FCHO2: variants seen among roughly 807,000 people sequenced by gnomAD.
FCHO2 encodes FCH and mu domain containing endocytic adaptor 2, also known as F-BAR domain only protein 2.
Under a neutral mutation model 114.1 loss-of-function variants are expected in FCHO2, and 43 were observed. The ratio of observed to expected loss-of-function variants is 0.38; its 90% CI spans 0.30 to 0.49. The LOEUF (loss-of-function observed/expected upper bound fraction) is 0.49, where lower values mean the gene tolerates loss of function less well. FCHO2 is among the 20% of genes least tolerant of loss of function. FCHO2 has a pLI of 0.97. For synonymous variants in FCHO2, 293 were observed against 315.2 expected (o/e 0.93, Z 0.75); for missense variants, 807 against 950.4 (o/e 0.85, Z 1.98).
At chr5:73,050,097 A>G (rs943731503) in intron 11 of FCHO2, among the ~76,000 whole-genome samples, 1 of 152,118 alleles carries the variant, frequency 6.6e-6, no homozygotes, top group African/African-American at 2.4e-5. Flanking sequence ...TACATCATAT[A>G]TATCTTTAAA....
intron 11 of FCHO2, among the ~76,000 whole-genome samples, chr5:73,046,392 CGTT>C (rs1300832841): frequency 1.3e-5 from 2 of 152,086 alleles, no homozygotes; most frequent in Admixed American, 6.6e-5. Context: ...CAGAATTTAT[CGTT>C]GTAGTCTACA....
chr5:73,073,353 T>C (rs1742751163), intron 19 of FCHO2, among the ~76,000 whole-genome samples: 2 of 152,106 alleles, frequency 1.3e-5, no homozygotes, highest in African/African-American at 4.8e-5. Context: ...AGGTCTTTCA[T>C]ACCCTAATCT....
intron 13 of FCHO2, among the ~76,000 whole-genome samples, chr5:73,053,931 T>G (rs1218899458): frequency 1.3e-5 from 2 of 152,188 alleles, no homozygotes; most frequent in African/African-American, 4.8e-5. Flanking sequence ...TTTCATACTA[T>G]GAAAATAATA....
At chr5:73,006,262 TG>T (rs1339268988) in intron 5 of FCHO2, among the ~76,000 whole-genome samples, 182 bp from the exon 6 acceptor site, 2 of 152,164 alleles carry the variant, frequency 1.3e-5, no homozygotes, top group Non-Finnish European at 2.9e-5. Context: ...CCTGACTTCT[TG>T]GCTGACTGTA....
chr5:73,004,664 T>TATAA (rs1224038828), intron 5 of FCHO2, among the ~76,000 whole-genome samples: 1 of 152,190 alleles, frequency 6.6e-6, no homozygotes, highest in Non-Finnish European at 1.5e-5. Flanking sequence ...GTTCCCTTTT[T>TATAA]AGTAATGAGA....
chr5:73,063,555 T>A (rs1316005135), intron 17 of FCHO2, among the ~76,000 whole-genome samples: 1 of 152,102 alleles, frequency 6.6e-6, no homozygotes, highest in African/African-American at 2.4e-5. Flanking sequence ...CATCAGCTAA[T>A]GTATCAGATT....
rs145375127 is a variant in FCHO2, at chr5:73,045,685, C to G, written c.939+4370C>G. 1.1e-3 allele frequency among the ~76,000 whole-genome samples: 164 copies of G among 152,204 alleles called. 2 individuals are homozygous for G. Among genetic ancestry groups the G allele is most frequent in the South Asian group, 6.4e-3 (31 of 4,822 alleles). On this transcript the variant is annotated intron_variant, in intron 11 of 25. Transcript: ENST00000430046. ...TCCCCTTTGTTATTATTCATGTTTG[C>G]CTAGTATAATTGTTTCCATCCTTTT...
At chr5:73,024,659 G>A (rs530237060) in intron 8 of FCHO2, among the ~76,000 whole-genome samples, 28 of 151,344 alleles carry the variant, frequency 1.9e-4, no homozygotes, top group South Asian at 6.3e-4. Flanking sequence ...GGTTGGTCTC[G>A]AAATCCTGAC....
intron 13 of FCHO2, among the ~76,000 whole-genome samples, chr5:73,053,141 A>C (rs1022806490): frequency 1.3e-5 from 2 of 152,236 alleles, no homozygotes; most frequent in African/African-American, 4.8e-5. Context: ...ATATGTGATC[A>C]TCATGATTGA....
intron 18 of FCHO2, among the ~76,000 whole-genome samples, chr5:73,064,641 A>G (rs1342573037): frequency 1.3e-5 from 2 of 152,052 alleles, no homozygotes; most frequent in African/African-American, 2.4e-5. Flanking sequence ...AGCTGAATGT[A>G]CAAGAGTCTT....
rs927349519 is a variant in FCHO2 at position 72,973,390 on chromosome 5, G to C, written c.125+4801G>C. Among the ~76,000 whole-genome samples the C allele has an allele frequency of 2.1e-3, 313 of 152,220 alleles. 3 individuals carry two copies. The highest frequency in any genetic ancestry group is 7.3e-3 in the African/African-American group (303 of 41,522). ...TGCCACAATTTCAGATCCTGTTATTGGTCTATTCAGAGATTCAACTTCTTC... is the reference window on the plus strand; with the variant it reads ...TGCCACAATTTCAGATCCTGTTATTCGTCTATTCAGAGATTCAACTTCTTC... On this transcript the variant is annotated intron_variant, in intron 2 of 25. Coordinates refer to ENST00000430046, the MANE Select transcript of FCHO2 (RefSeq NM_138782.3).
In FCHO2 at chr5:73,052,262, A is replaced by T. The variant is rs1757375096; in HGVS notation, c.998-70A>T. 5.7e-6 allele frequency: 8 copies of T among 1,406,044 alleles called. No individual in the cohort carries two copies. The South Asian group carries it at 9.9e-5, about 17-fold the overall frequency. 87.1% of individuals were successfully genotyped at this position (1,406,044 alleles called of 1,614,324 possible). On this transcript the variant is annotated intron_variant, in intron 12 of 25. Transcript: ENST00000430046. ...CTCTTAAAGGTTTCATTCCTTTTTT[A>T]AAATAAATGTGTGAAAAACTGGTTA...
intron 2 of FCHO2, among the ~76,000 whole-genome samples, chr5:72,980,783 T>C (rs897479472): frequency 1.3e-5 from 2 of 152,198 alleles, no homozygotes; most frequent in African/African-American, 2.4e-5. Context: ...TTTTTTTGCT[T>C]TCCATTTGCT....
chr5:72,963,902 GTTTTTTTTTTTTTTT>G (rs70973214), intron 1 of FCHO2, among the ~76,000 whole-genome samples: 24 of 95,694 alleles, frequency 2.5e-4, no homozygotes, highest in African/African-American at 3.8e-4. Context: ...GGAACTTTCA[GTTTTTTTTTTTTTTT>G]TTTTTTTTTT....
chr5:73,075,460 C>T (rs913273769), intron 20 of FCHO2, among the ~76,000 whole-genome samples: 1 of 152,058 alleles, frequency 6.6e-6, no homozygotes, highest in African/African-American at 2.4e-5. Flanking sequence ...TAGGAGTAAA[C>T]AGGAGAGTAC....
At chr5:73,038,290 T>C (rs1162760786) in intron 10 of FCHO2, among the ~76,000 whole-genome samples, 6 of 152,180 alleles carry the variant, frequency 3.9e-5, no homozygotes, top group African/African-American at 1.4e-4. Context: ...TAGGTTTTGC[T>C]CTTTTTTGTT....
chr5:73,034,616 GT>G (rs34111105), intron 8 of FCHO2, 40 bp from the exon 9 acceptor site: 6 of 1,524,678 alleles, frequency 3.9e-6, no homozygotes, highest in Admixed American at 4.3e-5. Context: ...TTACCTAATA[GT>G]TTTTTTCTAC....
intron 17 of FCHO2, among the ~76,000 whole-genome samples, chr5:73,061,353 C>T (rs909853489): frequency 2.0e-5 from 3 of 151,926 alleles, no homozygotes; most frequent in South Asian, 2.1e-4. Flanking sequence ...GCTCTTCTTC[C>T]GTGTATTGTT....
chr5:73,050,110 A>C (rs1172912161), intron 11 of FCHO2, among the ~76,000 whole-genome samples: 2 of 152,138 alleles, frequency 1.3e-5, no homozygotes, highest in Non-Finnish European at 2.9e-5. Flanking sequence ...TCTTTAAAAC[A>C]TAATCACAAT....
Sources: gnomAD v4.1 joint callset for allele counts (sites outside exome capture counted in the v4.1 genomes callset) on GRCh38, gnomAD v4.1.1 for gene constraint, MANE v1.5 for transcripts, NCBI Gene and HGNC (gene_info 2026-07-23, HGNC 2026-07-21) for gene names.